SLC39A14: variants seen among roughly 807,000 people sequenced by gnomAD.
The protein encoded by SLC39A14 is metal cation symporter ZIP14.
Under a neutral mutation model 45.5 loss-of-function variants are expected in SLC39A14, and 19 were observed. That is an observed-to-expected ratio of 0.42 (90% confidence interval 0.29 to 0.61). The LOEUF (loss-of-function observed/expected upper bound fraction) is 0.61, where lower values mean the gene tolerates loss of function less well. Ranked by LOEUF, SLC39A14 falls within the 20% of genes least tolerant of loss-of-function variation. The probability of loss-of-function intolerance (pLI) is 0.22; values close to 1 mark genes in which losing one functional copy is unlikely to be tolerated. For missense variants in SLC39A14, 447 were observed against 616.5 expected (o/e 0.73, Z 2.91); for synonymous variants, 264 against 251.3 (o/e 1.05, Z -0.48).
intron 8 of SLC39A14, among the ~76,000 whole-genome samples, chr8:22,431,214 C>T (rs1344367067): frequency 4.0e-5 from 6 of 151,224 alleles, no homozygotes; most frequent in Non-Finnish European, 7.4e-5. Flanking sequence ...GTCTCGATCG[C>T]CTGACCTCAT....
rs934497440 is a variant in SLC39A14, at chr8:22,410,150, C to G, written c.457+1654C>G. ...AACAGAAACTTGCGCGTCCTCTTTC[C>G]CTGGGGCGGCACAGCTGAGCCAATC... On this transcript the variant is annotated intron_variant, in intron 3 of 8. Transcript: ENST00000381237. 3 of 1,611,588 alleles carry G rather than the reference C, an allele frequency of 1.9e-6. No individual in the cohort carries two copies. The African/African-American group carries it at 4.0e-5, about 22-fold the overall frequency.
In SLC39A14 at chr8:22,416,293, C is replaced by A. The variant is rs756002278; in HGVS notation, c.1147+13C>A. 1.2e-6 allele frequency: 2 copies of A among 1,610,942 alleles called. No homozygotes were observed. Among genetic ancestry groups the A allele is most frequent in the Non-Finnish European group, 1.7e-6 (2 of 1,178,788 alleles). ...CCACATGAGCTAGGTAAGCGTGCGTCCCCCGTTCCACTGGTGCTCCCTTGG... is the reference window on the plus strand; with the variant it reads ...CCACATGAGCTAGGTAAGCGTGCGTACCCCGTTCCACTGGTGCTCCCTTGG... On this transcript the variant is annotated intron_variant, in intron 7 of 8. Coordinates refer to ENST00000381237, the MANE Select transcript of SLC39A14 (RefSeq NM_001128431.4).
intron 1 of SLC39A14, among the ~76,000 whole-genome samples, chr8:22,402,246 G>A (rs183174199): frequency 1.4e-4 from 21 of 152,064 alleles, no homozygotes; most frequent in African/African-American, 4.8e-4. Flanking sequence ...TTAGCCGGGC[G>A]TGGTGGCAGG....
At chr8:22,411,532 C>T (rs1206423785) in intron 3 of SLC39A14, among the ~76,000 whole-genome samples, 2 of 152,224 alleles carry the variant, frequency 1.3e-5, no homozygotes, top group South Asian at 2.1e-4. Flanking sequence ...GAGCCTGCGC[C>T]GTGTGAATTG....
At chr8:22,411,575 T>A (rs1234999378) in intron 3 of SLC39A14, among the ~76,000 whole-genome samples, 1 of 152,220 alleles carries the variant, frequency 6.6e-6, no homozygotes, top group East Asian at 1.9e-4. Flanking sequence ...AGCAGAGTGA[T>A]CAGCCTCTTT....
At position 22,394,099 on chromosome 8, in the gene SLC39A14, G is replaced by A. The variant is rs190256066; in HGVS notation, c.-15-10597G>A. ...TTGGCTCACTGCAACCTCTGCCTCC[G>A]GGGTTCAAGTGATTCTCCTGCCTCA... On this transcript the variant is annotated intron_variant, in intron 1 of 8. Transcript: ENST00000381237. Among the ~76,000 whole-genome samples the A allele has an allele frequency of 5.7e-4, 86 of 150,246 alleles. 1 individual carries two copies. In the East Asian group the frequency reaches 0.016, roughly 27 times the overall value.
intron 1 of SLC39A14, among the ~76,000 whole-genome samples, chr8:22,391,037 G>C (rs1027739563): frequency 6.6e-6 from 1 of 152,178 alleles, no homozygotes; most frequent in African/African-American, 2.4e-5. Context: ...ACAGGCAGCA[G>C]CTCCATGGCA....
chr8:22,391,731 T>A (rs1834087017), intron 1 of SLC39A14, among the ~76,000 whole-genome samples: 1 of 152,068 alleles, frequency 6.6e-6, no homozygotes, highest in African/African-American at 2.4e-5. Context: ...CACCATGCCC[T>A]GCTAATTTTT....
intron 1 of SLC39A14, among the ~76,000 whole-genome samples, chr8:22,375,635 A>G (rs1256251562): frequency 1.3e-5 from 2 of 151,988 alleles, no homozygotes; most frequent in Non-Finnish European, 2.9e-5. Flanking sequence ...GATTACAGGC[A>G]TGCACCACCA....
At chr8:22,414,123 A>G (rs1835739581) in intron 4 of SLC39A14, among the ~76,000 whole-genome samples, 1 of 152,160 alleles carries the variant, frequency 6.6e-6, no homozygotes, top group African/African-American at 2.4e-5. Context: ...ACCCTAGGAC[A>G]GAATTCTCTT....
intron 1 of SLC39A14, among the ~76,000 whole-genome samples, chr8:22,400,577 G>A (rs1834799370): frequency 6.6e-6 from 1 of 152,194 alleles, no homozygotes; most frequent in Non-Finnish European, 1.5e-5. Context: ...TCTCTTGGTG[G>A]AGATTTGAGA....
intron 1 of SLC39A14, among the ~76,000 whole-genome samples, chr8:22,393,649 G>A (rs1198378460): frequency 2.6e-5 from 4 of 152,146 alleles, no homozygotes; most frequent in South Asian, 2.1e-4. Context: ...GTAGCCAAAT[G>A]TGTTTTTTTT....
At chr8:22,388,873 C>CCTTTCTTT (rs34543370) in intron 1 of SLC39A14, among the ~76,000 whole-genome samples, 1 of 151,576 alleles carries the variant, frequency 6.6e-6, no homozygotes, top group African/African-American at 2.4e-5. Flanking sequence ...ATGGGCTTTT[C>CCTTTCTTT]CTTTCTTTCA....
At chr8:22,432,596 G>A (rs924626687) in intron 8 of SLC39A14, among the ~76,000 whole-genome samples, 25 of 151,012 alleles carry the variant, frequency 1.7e-4, no homozygotes, top group African/African-American at 5.6e-4. Context: ...CTCCTACCTC[G>A]GCCTCCCGAG....
intron 3 of SLC39A14, chr8:22,410,170 C>T: frequency 6.3e-7 from 1 of 1,576,672 alleles, no homozygotes; most frequent in Admixed American, 1.7e-5. Flanking sequence ...CACAGCTGAG[C>T]CAATCCCCTC....
At chr8:22,417,127 C>T (rs1016871895) in intron 7 of SLC39A14, among the ~76,000 whole-genome samples, 40 of 152,334 alleles carry the variant, frequency 2.6e-4, no homozygotes, top group African/African-American at 9.6e-4. Context: ...CTGGCTTTGC[C>T]ATATATTGAC....
At chr8:22,423,331 T>A (rs1415833652), downstream of SLC39A14, among the ~76,000 whole-genome samples, 1 of 141,124 alleles carries the variant, frequency 7.1e-6, no homozygotes, top group East Asian at 2.3e-4. Flanking sequence ...TTGTTGTTGT[T>A]GTTGTTTTGT....
At chr8:22,368,563 G>A (rs1455052098) in intron 1 of SLC39A14, among the ~76,000 whole-genome samples, 2 of 150,020 alleles carry the variant, frequency 1.3e-5, no homozygotes, top group Non-Finnish European at 3.0e-5. Context: ...TTGAGACGGA[G>A]TCTCACTCTG....
intron 4 of SLC39A14, among the ~76,000 whole-genome samples, chr8:22,413,707 G>C (rs1835710644): frequency 6.6e-6 from 1 of 152,124 alleles, no homozygotes; most frequent in Non-Finnish European, 1.5e-5. Flanking sequence ...GAACAACCCG[G>C]TAAATATATA....
Sources: allele counts gnomAD v4.1 joint callset (sites outside exome capture counted in the v4.1 genomes callset), GRCh38; gene constraint gnomAD v4.1.1; transcripts MANE v1.5; gene names NCBI Gene and HGNC (gene_info 2026-07-23, HGNC 2026-07-21).